FAT3: variants seen among roughly 807,000 people sequenced by gnomAD.
The protein encoded by FAT3 is FAT atypical cadherin 3, also known as protocadherin Fat 3.
Under a neutral mutation model 310.2 loss-of-function variants are expected in FAT3, and 95 were observed. That is an observed-to-expected ratio of 0.31 (90% CI 0.26 to 0.36). The LOEUF is 0.36. Ranked by LOEUF, FAT3 falls within the 10% of genes least tolerant of loss-of-function variation. The pLI is 1.00. For synonymous variants in FAT3, 2,314 were observed against 2,192.9 expected (o/e 1.06, Z -1.54); for missense variants, 5,408 against 5,715.6 (o/e 0.95, Z 1.74).
In FAT3 at chr11:92,880,793, T is replaced by C. The variant is rs2136398037; in HGVS notation, c.12190T>C (p.Cys4064Arg). The C allele has an allele frequency of 6.2e-7, 1 of 1,614,012 alleles. No individual in the cohort carries two copies. Among genetic ancestry groups the C allele is most frequent in the Non-Finnish European group, 8.5e-7 (1 of 1,179,888 alleles). ...AAACTGTGAATCTGAGATTACAGCCTGCTTCCCAAACCCCTGCCGGAATGG... is the reference window on the plus strand; with the variant it reads ...AAACTGTGAATCTGAGATTACAGCCCGCTTCCCAAACCCCTGCCGGAATGG... ...GRNCESEITACFPNPCRNGGS... is the reference protein window; with the variant it reads ...GRNCESEITARFPNPCRNGGS... Residue 4064 changes from cysteine (C) to arginine (R), a missense_variant, in exon 23 of 28, where the codon TGC becomes CGC. Cys to Arg is a radical substitution (Grantham distance 180). Around this residue, in one of 5 missense-constraint regions of FAT3, gnomAD observed 14 missense variants for 34.4 expected, o/e 0.41. Coordinates refer to ENST00000525166, the MANE Select transcript of FAT3 (RefSeq NM_001367949.2).
At chr11:92,636,282 T>G (rs886108056) in intron 3 of FAT3, among the ~76,000 whole-genome samples, 8 of 152,178 alleles carry the variant, frequency 5.3e-5, no homozygotes, top group Non-Finnish European at 1.0e-4. Context: ...TCTTAAAAGA[T>G]TCAGAGATTT....
At chr11:92,858,119 T>A (rs1270227860) in intron 20 of FAT3, among the ~76,000 whole-genome samples, 1 of 152,238 alleles carries the variant, frequency 6.6e-6, no homozygotes, top group East Asian at 1.9e-4. Flanking sequence ...ATGCCTAGTA[T>A]GTGCAAGGAA....
intron 7 of FAT3, among the ~76,000 whole-genome samples, chr11:92,781,698 A>G (rs1946757341): frequency 6.6e-6 from 1 of 152,236 alleles, no homozygotes; most frequent in South Asian, 2.1e-4. Flanking sequence ...AAGGCAGTTC[A>G]GTCACTTTGA....
At chr11:92,398,184 T>C (rs1287245061) in intron 2 of FAT3, among the ~76,000 whole-genome samples, 1 of 152,090 alleles carries the variant, frequency 6.6e-6, no homozygotes, top group Non-Finnish European at 1.5e-5. Context: ...CCCCCTGTCT[T>C]CACATTGTCT....
At chr11:92,867,292 A>C in intron 22 of FAT3, 83 bp downstream of exon 22, 4 of 1,328,288 alleles carry the variant, frequency 3.0e-6, no homozygotes, top group African/African-American at 2.9e-5. Context: ...TGCCCTCCCA[A>C]CGCAAGGACT....
chr11:92,617,064 T>A (rs973514340), intron 3 of FAT3, among the ~76,000 whole-genome samples: 3 of 152,170 alleles, frequency 2.0e-5, no homozygotes, highest in Non-Finnish European at 4.4e-5. Context: ...TAATATCCTG[T>A]AGAGTGTTTT....
chr11:92,417,803 G>C (rs1054035457), intron 2 of FAT3, among the ~76,000 whole-genome samples: 2 of 152,168 alleles, frequency 1.3e-5, no homozygotes, highest in African/African-American at 4.8e-5. Flanking sequence ...AATAGACCCT[G>C]ACTTTCCTGA....
rs150455206 is a variant in FAT3 at position 92,777,460 on chromosome 11, A to G, written c.4335+3280A>G. 5.3e-5 allele frequency among the ~76,000 whole-genome samples: 8 copies of G among 152,298 alleles called. No individual in the cohort carries two copies. The East Asian group carries it at 1.2e-3, about 22-fold the overall frequency. On this transcript the variant is annotated intron_variant, in intron 7 of 27. Coordinates refer to ENST00000525166, the MANE Select transcript of FAT3 (RefSeq NM_001367949.2). ...AGATTCCTTAGGGTGAGCACAAAACATAAGAAGGTCCTGTGGGTTTTAAGT... is the reference window on the plus strand; with the variant it reads ...AGATTCCTTAGGGTGAGCACAAAACGTAAGAAGGTCCTGTGGGTTTTAAGT...
intron 3 of FAT3, among the ~76,000 whole-genome samples, chr11:92,654,741 G>A (rs971285567): frequency 5.9e-5 from 9 of 152,070 alleles, no homozygotes; most frequent in Admixed American, 2.0e-4. Flanking sequence ...CAACAGGTCC[G>A]TCTGCTTTTA....
At position 92,891,209 on chromosome 11, in the gene FAT3, G is replaced by A. The variant is rs2136452036; in HGVS notation, c.*96G>A. On this transcript the variant is annotated 3_prime_UTR_variant, in exon 28 of 28. Transcript: ENST00000525166. ...CAGTGGAGCATTGTCTGTGGAATGA[G>A]AAGGGAATACTGTATTTTTCCACTA... 6.9e-7 allele frequency: 1 copy of A among 1,458,388 alleles called. No homozygotes were observed. Among genetic ancestry groups the A allele is most frequent in the South Asian group, 1.3e-5 (1 of 77,388 alleles). 90.3% of individuals were successfully genotyped at this position (1,458,388 alleles called of 1,614,324 possible).
intron 22 of FAT3, among the ~76,000 whole-genome samples, chr11:92,875,791 C>G (rs1012475775): frequency 6.6e-6 from 1 of 152,128 alleles, no homozygotes; most frequent in Admixed American, 6.5e-5. Flanking sequence ...ATCAGCCAAG[C>G]TAGCTGCTGC....
intron 4 of FAT3, among the ~76,000 whole-genome samples, chr11:92,725,106 C>T (rs1040711454): frequency 3.9e-5 from 6 of 152,082 alleles, no homozygotes; most frequent in African/African-American, 1.2e-4. Context: ...TAAAATTCAA[C>T]GTATCTGGTA....
intron 3 of FAT3, among the ~76,000 whole-genome samples, chr11:92,542,958 A>G (rs112238822): frequency 9.3e-4 from 141 of 152,230 alleles, no homozygotes; most frequent in African/African-American, 3.2e-3. Flanking sequence ...GGTAAAGAAA[A>G]TGTGGTGTGT....
At chr11:92,698,866 CCCATTACTT>C (rs1180578804) in intron 4 of FAT3, among the ~76,000 whole-genome samples, 3 of 152,210 alleles carry the variant, frequency 2.0e-5, no homozygotes, top group Admixed American at 6.5e-5. Flanking sequence ...GATAGTTGAA[CCCATTACTT>C]CCCAGAAGGA....
chr11:92,424,639 A>AG (rs1950593745), intron 2 of FAT3, among the ~76,000 whole-genome samples: 1 of 152,168 alleles, frequency 6.6e-6, no homozygotes, highest in Non-Finnish European at 1.5e-5. Flanking sequence ...GGCCTTGTGA[A>AG]GATATTTGAA....
chr11:92,581,116 C>T (rs1344010121), intron 3 of FAT3, among the ~76,000 whole-genome samples: 1 of 152,004 alleles, frequency 6.6e-6, no homozygotes, highest in African/African-American at 2.4e-5. Flanking sequence ...ACTTCCCTTG[C>T]TTTTGTTACA....
chr11:92,648,801 G>C (rs1942259993), intron 3 of FAT3, among the ~76,000 whole-genome samples: 1 of 152,174 alleles, frequency 6.6e-6, no homozygotes, highest in South Asian at 2.1e-4. Context: ...GCCTTGGACT[G>C]GTGCCAGGCA....
chr11:92,512,596 A>T (rs1438219993), intron 2 of FAT3, among the ~76,000 whole-genome samples: 8 of 145,960 alleles, frequency 5.5e-5, no homozygotes, highest in African/African-American at 2.0e-4. Flanking sequence ...TATATTAAAT[A>T]TGTTTTAATG....
At chr11:92,432,849 C>G (rs1950824358) in intron 2 of FAT3, among the ~76,000 whole-genome samples, 1 of 152,202 alleles carries the variant, frequency 6.6e-6, no homozygotes, top group African/African-American at 2.4e-5. Flanking sequence ...CCCCTTTCCT[C>G]AGGTGCTCTG....
Sources: gnomAD v4.1 joint callset for allele counts (sites outside exome capture counted in the v4.1 genomes callset) on GRCh38, gnomAD v4.1.1 for gene constraint, gnomAD v4.1.1 regional missense constraint, MANE v1.5 for transcripts, NCBI Gene and HGNC (gene_info 2026-07-23, HGNC 2026-07-21) for gene names.